Variants in CHRM2 observed in about 807,000 individuals in gnomAD.
The protein encoded by CHRM2 is muscarinic acetylcholine receptor M2.
In CHRM2, 8 loss-of-function variants were observed where a neutral mutation model predicts 25.0. The observed-to-expected ratio is 0.32, with a 90% CI of 0.19 to 0.58. The LOEUF (loss-of-function observed/expected upper bound fraction) is 0.58. Ranked by LOEUF, CHRM2 falls within the 20% of genes least tolerant of loss-of-function variation. CHRM2 has a pLI of 0.88. For synonymous variants in CHRM2, 202 were observed against 205.7 expected (o/e 0.98, Z 0.15); for missense variants, 440 against 567.1 (o/e 0.78, Z 2.28).
At chr7:136,978,878 C>T (rs181774783) in intron 2 of CHRM2, among the ~76,000 whole-genome samples, 1 of 152,122 alleles carries the variant, frequency 6.6e-6, no homozygotes, top group African/African-American at 2.4e-5. Flanking sequence ...GGTTTCAAGT[C>T]TTTACTATTG....
intron 2 of CHRM2, chr7:136,871,771 G>A (rs1397888623): frequency 2.0e-5 from 3 of 152,128 alleles, no homozygotes; most frequent in African/African-American, 7.2e-5. Context: ...AACTGTATTC[G>A]GCTGCAGTTC....
rs946762689 is a variant in CHRM2 at position 136,894,113 on chromosome 7, C to G, written c.-125+24695C>G. Among the ~76,000 whole-genome samples the G allele has an allele frequency of 3.9e-5, 6 of 152,072 alleles. No homozygotes were observed. In the South Asian group the frequency reaches 1.2e-3, roughly 32 times the overall value. On this transcript the variant is annotated intron_variant, in intron 2 of 3. Coordinates refer to ENST00000680005, the MANE Select transcript of CHRM2 (RefSeq NM_001006630.2). The stretch of plus-strand genomic sequence containing the variant: ...TATCCTCAGCTTGGAGGTGACATCA[C>G]TGCATATTAATCATCATATAAAATC...
Position 137,014,926 on chromosome 7 carries a change from T to C in CHRM2, c.61T>C (p.Phe21Leu). 1 of 1,613,190 alleles carries C rather than the reference T, an allele frequency of 6.2e-7. No homozygotes were observed. The highest frequency in any genetic ancestry group is 8.5e-7 in the Non-Finnish European group (1 of 1,179,508). Residue 21 changes from phenylalanine (F) to leucine (L), a missense_variant, in exon 4 of 4, where the codon TTT becomes CTT. By Grantham distance (22) the Phe-to-Leu change is conservative. Transcript: ENST00000680005. ...GGCTCTTACAAGTCCTTATAAGACA[T>C]TTGAAGTGGTGTTTATTGTCCTGGT... ...SLALTSPYKTFEVVFIVLVAG... is the reference protein window; with the variant it reads ...SLALTSPYKTLEVVFIVLVAG...
At chr7:136,975,255 C>T (rs189185353) in intron 2 of CHRM2, among the ~76,000 whole-genome samples, 1 of 152,202 alleles carries the variant, frequency 6.6e-6, no homozygotes, top group Non-Finnish European at 1.5e-5. Flanking sequence ...TTTCTTGTTT[C>T]CTGTTTGTGT....
At chr7:136,958,522 T>G (rs184436092) in intron 2 of CHRM2, among the ~76,000 whole-genome samples, 67 of 147,500 alleles carry the variant, frequency 4.5e-4, no homozygotes, top group African/African-American at 1.7e-3. Flanking sequence ...GTGGGGCGAT[T>G]ACAGCTCACT....
chr7:137,018,166 C>T lies in CHRM2; in HGVS notation c.*1900C>T, dbSNP rs968858286. Reference sequence around the variant, plus strand: ...ATTAGCCTCATAGATGCCACCTCAACATTTTGGAGAGTTAAGGAGGAAAAA... The same window carrying T: ...ATTAGCCTCATAGATGCCACCTCAATATTTTGGAGAGTTAAGGAGGAAAAA... On this transcript the variant is annotated 3_prime_UTR_variant, in exon 4 of 4. Transcript: ENST00000680005. 6.6e-6 allele frequency: 1 copy of T among 150,550 alleles called. No homozygotes were observed. The highest frequency in any genetic ancestry group is 2.4e-5 in the African/African-American group (1 of 40,940). 9.3% of individuals were successfully genotyped at this position (150,550 alleles called of 1,614,324 possible).
intron 2 of CHRM2, among the ~76,000 whole-genome samples, chr7:136,957,337 G>T (rs1256845939): frequency 6.6e-6 from 1 of 152,052 alleles, no homozygotes; most frequent in Non-Finnish European, 1.5e-5. Flanking sequence ...GAAGAAACTA[G>T]GAACCAACTA....
Position 137,017,460 on chromosome 7 carries a change from A to G in CHRM2, c.*1194A>G, listed in dbSNP as rs1805246057. 2.6e-5 allele frequency: 4 copies of G among 151,990 alleles called. No homozygotes were observed. Among genetic ancestry groups the G allele is most frequent in the Admixed American group, 2.6e-4 (4 of 15,228 alleles). 9.4% of individuals were successfully genotyped at this position (151,990 alleles called of 1,614,324 possible). A position where few individuals can be genotyped will look rare whatever the true frequency, so the allele number is the denominator to read the frequency against. ...ACCAGTGATTTCTGGGCCAGTCCCT[A>G]GAGAATAGAACCTTCTATCCAATGC... On this transcript the variant is annotated 3_prime_UTR_variant, in exon 4 of 4. Coordinates refer to ENST00000680005, the MANE Select transcript of CHRM2 (RefSeq NM_001006630.2).
chr7:136,928,672 G>A (rs1254754466), intron 2 of CHRM2, among the ~76,000 whole-genome samples: 4 of 152,098 alleles, frequency 2.6e-5, no homozygotes, highest in African/African-American at 9.7e-5. Flanking sequence ...TTTCAAGACC[G>A]TAGCGCAAAG....
At chr7:136,990,524 C>G (rs1803153834) in intron 2 of CHRM2, among the ~76,000 whole-genome samples, 1 of 152,048 alleles carries the variant, frequency 6.6e-6, no homozygotes, top group Non-Finnish European at 1.5e-5. Context: ...ATTTAATGTT[C>G]CCTTATGTCT....
chr7:136,999,489 T>C (rs1005886768), intron 3 of CHRM2, among the ~76,000 whole-genome samples: 1 of 152,118 alleles, frequency 6.6e-6, no homozygotes, highest in African/African-American at 2.4e-5. Context: ...GTTGGTGTGC[T>C]GCACCCATTA....
At chr7:136,985,578 A>T (rs1802805403) in intron 2 of CHRM2, among the ~76,000 whole-genome samples, 2 of 152,018 alleles carry the variant, frequency 1.3e-5, no homozygotes, top group Admixed American at 1.3e-4. Context: ...CATTGAAGAA[A>T]GCAATGGAGT....
Position 137,016,388 on chromosome 7 carries a change from A to G in CHRM2, c.*122A>G, listed in dbSNP as rs1220302915. The stretch of plus-strand genomic sequence containing the variant: ...TTATAGTCTGATTACAAAACGTGCA[A>G]TTCAGGAGCCCAGCAGTGACACACT... On this transcript the variant is annotated 3_prime_UTR_variant, in exon 4 of 4. Coordinates refer to ENST00000680005, the MANE Select transcript of CHRM2 (RefSeq NM_001006630.2). 9.3e-7 allele frequency: 1 copy of G among 1,079,988 alleles called. No homozygotes were observed. Among genetic ancestry groups the G allele is most frequent in the Admixed American group, 2.1e-5 (1 of 48,358 alleles). 66.9% of individuals were successfully genotyped at this position (1,079,988 alleles called of 1,614,324 possible).
At chr7:137,002,183 A>G (rs1804085607) in intron 3 of CHRM2, among the ~76,000 whole-genome samples, 1 of 152,074 alleles carries the variant, frequency 6.6e-6, no homozygotes, top group Non-Finnish European at 1.5e-5. Flanking sequence ...AAGTTGTTTT[A>G]TTTCAATTAG....
intron 2 of CHRM2, among the ~76,000 whole-genome samples, chr7:136,876,597 T>C (rs1211165459): frequency 6.6e-6 from 1 of 152,118 alleles, no homozygotes; most frequent in Non-Finnish European, 1.5e-5. Flanking sequence ...AGGGCTATTT[T>C]AAGTTCAAAT....
intron 2 of CHRM2, chr7:136,903,125 T>C: frequency 1.9e-6 from 1 of 533,824 alleles, no homozygotes; most frequent in Non-Finnish European, 3.9e-6. Context: ...AGGTTTTTTA[T>C]TCTTCAACCA....
chr7:136,885,883 G>A (rs1330952610), intron 2 of CHRM2, among the ~76,000 whole-genome samples: 2 of 152,096 alleles, frequency 1.3e-5, no homozygotes, highest in Non-Finnish European at 2.9e-5. Flanking sequence ...AGAGGGTAGA[G>A]CATGTACCAA....
At chr7:136,934,343 T>C (rs1351706022) in intron 2 of CHRM2, among the ~76,000 whole-genome samples, 1 of 152,082 alleles carries the variant, frequency 6.6e-6, no homozygotes, top group African/African-American at 2.4e-5. Context: ...TTTTTATTCT[T>C]ATGTCCACAG....
intron 2 of CHRM2, among the ~76,000 whole-genome samples, chr7:136,945,733 G>T (rs988700125): frequency 2.6e-5 from 4 of 152,006 alleles, no homozygotes; most frequent in African/African-American, 9.7e-5. Context: ...CATATAGCAT[G>T]AAAAATCTTC....
Sources: allele counts gnomAD v4.1 joint callset (sites outside exome capture counted in the v4.1 genomes callset), GRCh38; gene constraint gnomAD v4.1.1; transcripts MANE v1.5; gene names NCBI Gene and HGNC (gene_info 2026-07-23, HGNC 2026-07-21).